SLC7A14: variants seen among roughly 807,000 people sequenced by gnomAD.
SLC7A14 encodes gamma-aminobutyric acid transporter SLC7A14.
SLC7A14 carries 37 observed loss-of-function variants against 60.2 expected under a neutral mutation model. The observed-to-expected ratio is 0.61, with a 90% CI of 0.47 to 0.81. The LOEUF is 0.81. Among genes scored for constraint, SLC7A14 ranks in the 30% least tolerant of loss-of-function variants. The pLI, the probability that SLC7A14 is intolerant of heterozygous loss-of-function variation, is 0.00. For missense variants in SLC7A14, 886 were observed against 982.7 expected (o/e 0.90, Z 1.32); for synonymous variants, 399 against 395.8 (o/e 1.01, Z -0.10).
In SLC7A14 at chr3:170,526,951, G is replaced by T; in HGVS notation, c.-15C>A. 1 of 1,607,080 alleles carries T rather than the reference G, an allele frequency of 6.2e-7. No individual in the cohort carries two copies. The highest frequency in any genetic ancestry group is 8.5e-7 in the Non-Finnish European group (1 of 1,176,624). ...AAGCCACTCATCTTGAGCGATAGGG[G>T]ATGCAGTGAAGGTCAGCTGATGGAA... On this transcript the variant is annotated 5_prime_UTR_variant, in exon 2 of 8. Transcript: ENST00000231706.
intron 1 of SLC7A14, among the ~76,000 whole-genome samples, chr3:170,541,086 G>A (rs190263953): frequency 6.6e-6 from 1 of 151,506 alleles, no homozygotes; most frequent in African/African-American, 2.5e-5. Context: ...GTGATAGTGG[G>A]AATATAAACT....
chr3:170,463,734 A>G lies in SLC7A14; in HGVS notation c.*3321T>C, dbSNP rs553714539. ...GATTTTTATCTGACTTACGATATCA[A>G]TATCTGCCATAGTACATAATAGGCA... On this transcript the variant is annotated 3_prime_UTR_variant, in exon 8 of 8. Coordinates refer to ENST00000231706, the MANE Select transcript of SLC7A14 (RefSeq NM_020949.3). 38 of 152,284 alleles carry G rather than the reference A, an allele frequency of 2.5e-4. No homozygotes were observed. The highest frequency in any genetic ancestry group is 8.4e-4 in the African/African-American group (35 of 41,558). 9.4% of individuals were successfully genotyped at this position (152,284 alleles called of 1,614,324 possible).
chr3:170,505,640 C>A (rs2108282846), intron 2 of SLC7A14, among the ~76,000 whole-genome samples: 1 of 152,248 alleles, frequency 6.6e-6, no homozygotes, highest in African/African-American at 2.4e-5. Context: ...AATCCCAGAA[C>A]TTTGGGAGGG....
chr3:170,546,455 A>G (rs1450678045), intron 1 of SLC7A14, among the ~76,000 whole-genome samples: 1 of 152,190 alleles, frequency 6.6e-6, no homozygotes, highest in Non-Finnish European at 1.5e-5. Flanking sequence ...CTGGTACTTA[A>G]ACTATCCAGA....
chr3:170,548,368 G>A (rs149255872), intron 1 of SLC7A14, among the ~76,000 whole-genome samples: 3 of 152,184 alleles, frequency 2.0e-5, no homozygotes, highest in Admixed American at 2.0e-4. Flanking sequence ...AACCCACCTG[G>A]GAATCTTGTG....
intron 1 of SLC7A14, among the ~76,000 whole-genome samples, chr3:170,560,914 G>C (rs1714629296): frequency 6.6e-6 from 1 of 152,072 alleles, no homozygotes; most frequent in Non-Finnish European, 1.5e-5. Flanking sequence ...ATGTACACAT[G>C]GTTACCCACT....
At chr3:170,503,140 T>G (rs1356944022) in intron 2 of SLC7A14, 5 of 152,240 alleles carry the variant, frequency 3.3e-5, no homozygotes, top group African/African-American at 1.2e-4. Flanking sequence ...GTTATTTATT[T>G]TGAGTTCCTA....
Position 170,480,921 on chromosome 3 carries a change from C to G in SLC7A14, c.1361G>C (p.Gly454Ala). ...TTCCTTCTCACAGTCAGCCAGAATG[C>G]CCTCCTTCTTCTTGGTGTGCTCCTC... ...LSEEHTKKKE[G>A]ILADCEKEAC... Residue 454 changes from glycine (G) to alanine (A), a missense_variant, in exon 7 of 8, where the codon GGC becomes GCC. Coordinates refer to ENST00000231706, the MANE Select transcript of SLC7A14 (RefSeq NM_020949.3). 6.2e-7 allele frequency: 1 copy of G among 1,613,984 alleles called. No homozygotes were observed. The highest frequency in any genetic ancestry group is 8.5e-7 in the Non-Finnish European group (1 of 1,180,000).
At chr3:170,550,645 C>T (rs1002173671) in intron 1 of SLC7A14, among the ~76,000 whole-genome samples, 4 of 150,852 alleles carry the variant, frequency 2.7e-5, no homozygotes, top group African/African-American at 9.8e-5. Context: ...CCTCAGCCTC[C>T]TGAGTAGCTG....
rs1739657291 is a variant in SLC7A14 at position 170,463,904 on chromosome 3, A to G, written c.*3151T>C. 6.6e-6 allele frequency: 1 copy of G among 152,212 alleles called. No individual in the cohort carries two copies. The highest frequency in any genetic ancestry group is 2.4e-5 in the African/African-American group (1 of 41,460). 9.4% of individuals were successfully genotyped at this position (152,212 alleles called of 1,614,324 possible). A position where few individuals can be genotyped will look rare whatever the true frequency, so the allele number is the denominator to read the frequency against. Reference sequence around the variant, plus strand: ...GTTTGAAGCTTACCTGTGGATTTTAATGATCTATGCTATTTCAAACCTCTA... The same window carrying G: ...GTTTGAAGCTTACCTGTGGATTTTAGTGATCTATGCTATTTCAAACCTCTA... On this transcript the variant is annotated 3_prime_UTR_variant, in exon 8 of 8. Coordinates refer to ENST00000231706, the MANE Select transcript of SLC7A14 (RefSeq NM_020949.3).
Position 170,490,859 on chromosome 3 carries a change from A to G in SLC7A14, c.760-4491T>C, listed in dbSNP as rs141441547. On this transcript the variant is annotated intron_variant, in intron 4 of 7. Transcript: ENST00000231706. The stretch of plus-strand genomic sequence containing the variant: ...AGTGTTGTTACAAGGATAAAATGAG[A>G]TAATAGAGTAAACTGCAGTCCTATA... Among the ~76,000 whole-genome samples, 282 of 152,330 alleles carry G rather than the reference A, an allele frequency of 1.9e-3. 2 individuals carry two copies. The highest frequency in any genetic ancestry group is 6.3e-3 in the African/African-American group (263 of 41,558).
At chr3:170,482,399 A>G (rs935915322) in intron 6 of SLC7A14, among the ~76,000 whole-genome samples, 1 of 152,234 alleles carries the variant, frequency 6.6e-6, no homozygotes, top group Non-Finnish European at 1.5e-5. Context: ...TTCAGAGAGT[A>G]TGCAGGGGAA....
chr3:170,493,223 G>A lies in SLC7A14; in HGVS notation c.759+5444C>T, dbSNP rs577519913. On this transcript the variant is annotated intron_variant, in intron 4 of 7. Coordinates refer to ENST00000231706, the MANE Select transcript of SLC7A14 (RefSeq NM_020949.3). ...TGAAGGCCAGAGTTACTTGATATAGGGAAAAATGTTTGTTGTTCTTAAACT... is the reference window on the plus strand; with the variant it reads ...TGAAGGCCAGAGTTACTTGATATAGAGAAAAATGTTTGTTGTTCTTAAACT... 7.9e-5 allele frequency among the ~76,000 whole-genome samples: 12 copies of A among 152,328 alleles called. No individual in the cohort carries two copies. The South Asian group carries it at 2.5e-3, about 32-fold the overall frequency.
chr3:170,515,733 A>G (rs1713135996), intron 2 of SLC7A14, among the ~76,000 whole-genome samples: 1 of 151,670 alleles, frequency 6.6e-6, no homozygotes, highest in Admixed American at 6.6e-5. Flanking sequence ...CAAACTCTTC[A>G]TTTTTCAGAG....
intron 1 of SLC7A14, among the ~76,000 whole-genome samples, chr3:170,566,813 A>G (rs900998941): frequency 1.4e-5 from 2 of 146,186 alleles, no homozygotes; most frequent in East Asian, 2.0e-4. Context: ...AGTTCAGTTA[A>G]AAAAAAAAAA....
chr3:170,530,728 C>G (rs1297374949), intron 1 of SLC7A14, among the ~76,000 whole-genome samples: 1 of 152,188 alleles, frequency 6.6e-6, no homozygotes, highest in Non-Finnish European at 1.5e-5. Context: ...GGACCTGCTG[C>G]AGCGGGGAGG....
At chr3:170,560,809 C>T (rs1448782823) in intron 1 of SLC7A14, among the ~76,000 whole-genome samples, 4 of 152,138 alleles carry the variant, frequency 2.6e-5, no homozygotes, top group South Asian at 2.1e-4. Flanking sequence ...TAATCTTTGA[C>T]GTGTTTTAAT....
At chr3:170,496,522 A>G (rs1194761142) in intron 4 of SLC7A14, 4 of 1,553,366 alleles carry the variant, frequency 2.6e-6, no homozygotes, top group Non-Finnish European at 2.7e-6. Context: ...CAGCGGGCCA[A>G]GCAGGACATG....
At chr3:170,516,005 A>G (rs1713145291) in intron 2 of SLC7A14, among the ~76,000 whole-genome samples, 2 of 152,156 alleles carry the variant, frequency 1.3e-5, no homozygotes. Flanking sequence ...TCCTACAGCC[A>G]TGCTAGGTGC....
Sources: gnomAD v4.1 joint callset for allele counts (sites outside exome capture counted in the v4.1 genomes callset) on GRCh38, gnomAD v4.1.1 for gene constraint, MANE v1.5 for transcripts, NCBI Gene and HGNC (gene_info 2026-07-23, HGNC 2026-07-21) for gene names.